The following ZNF253 variants were observed in gnomAD, a reference collection of about 807,000 sequenced individuals.
The protein encoded by ZNF253 is zinc finger protein 253.
Under a neutral mutation model 11.9 loss-of-function variants are expected in ZNF253, and 8 were observed. That is an observed-to-expected ratio of 0.67 (90% CI 0.40 to 1.22). ZNF253 has a LOEUF of 1.22. ZNF253 is among the 50% of genes most tolerant of loss of function. ZNF253 has a pLI of 0.01. For synonymous variants in ZNF253, 194 were observed against 194.9 expected, an observed-to-expected ratio of 1.00 and a Z score of 0.04; for missense variants, 485 against 586.9, an observed-to-expected ratio of 0.83 and a Z score of 1.79.
intron 1 of ZNF253, among the ~76,000 whole-genome samples, chr19:19,869,572 G>A (rs1041086844): frequency 1.3e-5 from 2 of 150,982 alleles, no homozygotes; most frequent in African/African-American, 4.9e-5. Context: ...TGTTGATCAG[G>A]CTGGTCTTGA....
At chr19:19,868,352 T>C (rs1292898635) in intron 1 of ZNF253, among the ~76,000 whole-genome samples, 1 of 152,136 alleles carries the variant, frequency 6.6e-6, no homozygotes, top group African/African-American at 2.4e-5. Context: ...CTTTAATTAA[T>C]CTTGAGTTGA....
intron 3 of ZNF253, among the ~76,000 whole-genome samples, chr19:19,889,901 A>G (rs2063221591): frequency 1.3e-5 from 2 of 152,198 alleles, no homozygotes; most frequent in South Asian, 2.1e-4. Context: ...TGGCTTCCCA[A>G]TGTGTTAGAA....
At position 19,892,981 on chromosome 19, in the gene ZNF253, A is replaced by G. The variant is rs2063240183; in HGVS notation, c.*234A>G. The G allele has an allele frequency of 9.2e-6, 4 of 434,460 alleles. No homozygotes were observed. The South Asian group carries it at 1.3e-4, about 14-fold the overall frequency. The allele number at this position is 434,460 out of a possible 1,614,324, so 26.9% of individuals were successfully genotyped here. ...CCTATAAACCTATAACAAGTTCTCA[A>G]TTCCTTTTTTTTTGAGATGGAGTTT... On this transcript the variant is annotated 3_prime_UTR_variant, in exon 4 of 4. Transcript: ENST00000589717.
At chr19:19,876,361 G>C (rs2063156070) in intron 1 of ZNF253, among the ~76,000 whole-genome samples, 1 of 152,194 alleles carries the variant, frequency 6.6e-6, no homozygotes. Flanking sequence ...GCACTAAAGG[G>C]TGGTCACAGG....
chr19:19,865,891 C>T lies in ZNF253; in HGVS notation c.-106C>T. ...GCAGCGGGAGCTCCAGGTTTATCCT[C>T]AGTGTTCTGTGTCCTGTGCTTATAG... is the stretch of plus-strand genomic sequence containing the variant. On this transcript the variant is annotated 5_prime_UTR_variant, in exon 1 of 4. Coordinates refer to ENST00000589717, the MANE Select transcript of ZNF253 (RefSeq NM_021047.3). The T allele has an allele frequency of 2.1e-6, 3 of 1,413,794 alleles. No individual in the cohort carries two copies. The Admixed American group carries it at 5.0e-5, about 24-fold the overall frequency. The allele number at this position is 1,413,794 out of a possible 1,614,324, so 87.6% of individuals were successfully genotyped here. A position where few individuals can be genotyped will look rare whatever the true frequency, so the allele number is the denominator to read the frequency against.
At position 19,894,619 on chromosome 19, in the gene ZNF253, CT is replaced by C. The variant is rs903679988; in HGVS notation, c.*1879del. On this transcript the variant is annotated 3_prime_UTR_variant, in exon 4 of 4. Transcript: ENST00000589717. ...AACATGTATGCGGAACATCTTAAAA[CT>C]TTTTTTCAAAAATCATAATGAATTA... is the stretch of plus-strand genomic sequence containing the variant. The C allele has an allele frequency of 2.2e-4, 34 of 152,052 alleles. No homozygotes were observed. The highest frequency in any genetic ancestry group is 8.2e-4 in the African/African-American group (34 of 41,508). 9.4% of individuals were successfully genotyped at this position (152,052 alleles called of 1,614,324 possible).
rs1339171346 is a variant in ZNF253, at chr19:19,892,933, C to A, written c.*186C>A. On this transcript the variant is annotated 3_prime_UTR_variant, in exon 4 of 4. Transcript: ENST00000589717. Reference sequence around the variant, plus strand: ...TAATTCATACCAAACAGAAGCCCTACAAGTGTGAAGAATGTGGCAAAACCT... The same window carrying A: ...TAATTCATACCAAACAGAAGCCCTAAAAGTGTGAAGAATGTGGCAAAACCT... The A allele has an allele frequency of 3.3e-6, 2 of 611,528 alleles. No individual in the cohort carries two copies. The highest frequency in any genetic ancestry group is 2.8e-6 in the Non-Finnish European group (1 of 358,710). The allele number at this position is 611,528 out of a possible 1,614,324, so 37.9% of individuals were successfully genotyped here. A position where few individuals can be genotyped will look rare whatever the true frequency, so the allele number is the denominator to read the frequency against.
chr19:19,894,165 GATAA>G lies in ZNF253; in HGVS notation c.*1421_*1424del, dbSNP rs2063245056. The stretch of plus-strand genomic sequence containing the variant: ...AACTAATCCACAGCTACAGCTGTTA[GATAA>G]ATTATTTCTATATAATTTTTTAAAA... On this transcript the variant is annotated 3_prime_UTR_variant, in exon 4 of 4. Coordinates refer to ENST00000589717, the MANE Select transcript of ZNF253 (RefSeq NM_021047.3). 1 of 152,180 alleles carries G rather than the reference GATAA, an allele frequency of 6.6e-6. No individual in the cohort carries two copies. The highest frequency in any genetic ancestry group is 1.5e-5 in the Non-Finnish European group (1 of 68,030). The allele number at this position is 152,180 out of a possible 1,614,324, so 9.4% of individuals were successfully genotyped here.
rs1385778458 is a variant in ZNF253, at chr19:19,865,961, C to G, written c.-36C>G. On this transcript the variant is annotated 5_prime_UTR_variant, in exon 1 of 4. Coordinates refer to ENST00000589717, the MANE Select transcript of ZNF253 (RefSeq NM_021047.3). Reference sequence around the variant, plus strand: ...GTGTGACCTGCAAGTATTGGGAGAGCCACAGCTAAACCCCGGGACCCCTGG... The same window carrying G: ...GTGTGACCTGCAAGTATTGGGAGAGGCACAGCTAAACCCCGGGACCCCTGG... 6.2e-7 allele frequency: 1 copy of G among 1,614,142 alleles called. No homozygotes were observed. The highest frequency in any genetic ancestry group is 1.3e-5 in the African/African-American group (1 of 75,040).
At chr19:19,879,256 CTAA>C (rs1227831449) in intron 2 of ZNF253, among the ~76,000 whole-genome samples, 11 of 152,132 alleles carry the variant, frequency 7.2e-5, no homozygotes, top group Non-Finnish European at 1.6e-4. Context: ...CACACATAAT[CTAA>C]TAATATTTAA....
chr19:19,882,710 C>T (rs1020164631), intron 3 of ZNF253, among the ~76,000 whole-genome samples: 3 of 152,138 alleles, frequency 2.0e-5, no homozygotes, highest in South Asian at 2.1e-4. Context: ...CGGTGGCTCA[C>T]GCCTGTAATC....
intron 3 of ZNF253, among the ~76,000 whole-genome samples, chr19:19,882,008 A>G (rs2063179972): frequency 6.6e-6 from 1 of 151,920 alleles, no homozygotes; most frequent in Admixed American, 6.6e-5. Context: ...GACCAATATG[A>G]TGAAACCTCG....
intron 1 of ZNF253, among the ~76,000 whole-genome samples, chr19:19,866,389 A>G (rs908286176): frequency 2.7e-4 from 41 of 152,310 alleles, no homozygotes; most frequent in African/African-American, 9.6e-4. Flanking sequence ...AACACAAAAC[A>G]AAAAACTACC....
chr19:19,870,249 G>T (rs1021342338), intron 1 of ZNF253, among the ~76,000 whole-genome samples: 3 of 151,900 alleles, frequency 2.0e-5, no homozygotes, highest in Admixed American at 2.0e-4. Context: ...AAAATTAGCT[G>T]GGTGTGGTGG....
intron 1 of ZNF253, among the ~76,000 whole-genome samples, chr19:19,875,076 AT>A (rs2063149644): frequency 6.6e-6 from 1 of 152,130 alleles, no homozygotes; most frequent in African/African-American, 2.4e-5. Context: ...TGGAGGCCTT[AT>A]TTAGGTCTGC....
At chr19:19,877,888 CA>C (rs2145267258) in intron 1 of ZNF253, among the ~76,000 whole-genome samples, 1 of 152,130 alleles carries the variant, frequency 6.6e-6, no homozygotes, top group East Asian at 1.9e-4. Flanking sequence ...TTTTTTGCTA[CA>C]TATTTTTCTT....
chr19:19,871,905 C>A (rs1401133140), intron 1 of ZNF253, among the ~76,000 whole-genome samples: 3 of 152,174 alleles, frequency 2.0e-5, no homozygotes, highest in African/African-American at 7.2e-5. Context: ...GATACAAACA[C>A]ATAAAGTGCC....
chr19:19,878,322 A>G (rs1487077713), intron 1 of ZNF253, among the ~76,000 whole-genome samples, 159 bp from the exon 2 acceptor site: 1 of 152,148 alleles, frequency 6.6e-6, no homozygotes, highest in Non-Finnish European at 1.5e-5. Flanking sequence ...TAGAGGATAC[A>G]TTAGAGAATA....
chr19:19,875,664 G>A (rs1041657477), intron 1 of ZNF253, among the ~76,000 whole-genome samples: 1 of 152,114 alleles, frequency 6.6e-6, no homozygotes, highest in Non-Finnish European at 1.5e-5. Flanking sequence ...CAAAGTGCTG[G>A]AATTACAGGC....
Sources: gnomAD v4.1 joint callset for allele counts (sites outside exome capture counted in the v4.1 genomes callset) on GRCh38, gnomAD v4.1.1 for gene constraint, MANE v1.5 for transcripts, NCBI Gene and HGNC (gene_info 2026-07-23, HGNC 2026-07-21) for gene names.